PSD3: variants seen among roughly 807,000 people sequenced by gnomAD.
PSD3 encodes PH and SEC7 domain-containing protein 3.
PSD3 carries 49 observed loss-of-function variants against 105.5 expected under a neutral mutation model. The observed-to-expected ratio is 0.46, with a 90% CI of 0.37 to 0.59. The LOEUF (loss-of-function observed/expected upper bound fraction) is 0.59, where lower values mean the gene tolerates loss of function less well. PSD3 is among the 20% of genes least tolerant of loss of function. The pLI, the probability that PSD3 is intolerant of heterozygous loss-of-function variation, is 0.00. For missense variants in PSD3, 1,561 were observed against 1,263.8 expected, an observed-to-expected ratio of 1.24 and a Z score of -3.57; for synonymous variants, 557 against 457.8, an observed-to-expected ratio of 1.22 and a Z score of -2.77.
chr8:18,655,510 T>A, intron 10 of PSD3, 132 bp downstream of exon 10: 1 of 854,396 alleles, frequency 1.2e-6, no homozygotes. Flanking sequence ...ACAAAGTAGG[T>A]AAGACACTTG....
intron 1 of PSD3, among the ~76,000 whole-genome samples, chr8:19,082,814 T>G (rs1009212057): frequency 6.6e-6 from 1 of 152,194 alleles, no homozygotes; most frequent in East Asian, 1.9e-4. Flanking sequence ...TCATTCCTCC[T>G]AAATCCCGGT....
chr8:18,839,545 CGG>C (rs1563331819), intron 4 of PSD3, among the ~76,000 whole-genome samples: 1 of 152,036 alleles, frequency 6.6e-6, no homozygotes, highest in African/African-American at 2.4e-5. Context: ...ATGATGGTTC[CGG>C]GCAGTCACAG....
intron 11 of PSD3, among the ~76,000 whole-genome samples, chr8:18,627,235 G>C (rs1428253001): frequency 1.3e-5 from 2 of 152,026 alleles, no homozygotes; most frequent in Non-Finnish European, 2.9e-5. Flanking sequence ...GAGTCATGCT[G>C]AGTTGAGGAG....
chr8:18,733,626 C>T (rs1039598237), intron 9 of PSD3: 11 of 152,758 alleles, frequency 7.2e-5, no homozygotes, highest in African/African-American at 2.7e-4. Flanking sequence ...GGATCAGAGG[C>T]TTTTTACTTT....
chr8:19,014,624 ATG>A (rs1827116981), upstream of PSD3, among the ~76,000 whole-genome samples: 1 of 152,158 alleles, frequency 6.6e-6, no homozygotes, highest in South Asian at 2.1e-4. This position sits in a 1 kb window ranked among gnomAD's most constrained non-coding sequence, Gnocchi z 4.9. Context: ...GGTCCTGTGT[ATG>A]TGTTACCGCC....
intron 1 of PSD3, among the ~76,000 whole-genome samples, chr8:19,060,987 TCAGC>T (rs1469571548): frequency 2.6e-5 from 4 of 152,162 alleles, no homozygotes; most frequent in Non-Finnish European, 4.4e-5. Context: ...TTGACTTCTT[TCAGC>T]CAGCCACAAA....
intron 4 of PSD3, among the ~76,000 whole-genome samples, chr8:18,861,469 C>A (rs529000181): frequency 6.6e-6 from 1 of 152,098 alleles, no homozygotes; most frequent in Non-Finnish European, 1.5e-5. Flanking sequence ...GTCCCATATT[C>A]CCACCAGCAC....
At chr8:18,845,893 A>G (rs192359371) in intron 4 of PSD3, among the ~76,000 whole-genome samples, 1 of 152,344 alleles carries the variant, frequency 6.6e-6, no homozygotes, top group East Asian at 1.9e-4. Flanking sequence ...TCTAAATGAA[A>G]TCCTTTATAT....
intron 2 of PSD3, 101 bp from the exon 3 acceptor site, chr8:18,872,834 T>A: frequency 1.7e-6 from 2 of 1,150,710 alleles, no homozygotes; most frequent in East Asian, 2.4e-5. Context: ...ATAATACTTA[T>A]TAACTTGATT....
At chr8:18,968,471 T>C (rs1360755381) in intron 1 of PSD3, among the ~76,000 whole-genome samples, 1 of 152,220 alleles carries the variant, frequency 6.6e-6, no homozygotes, top group African/African-American at 2.4e-5. Context: ...GAAAGAACCT[T>C]CGACGCCAGT....
At chr8:18,923,509 G>C (rs1409854444) in intron 2 of PSD3, among the ~76,000 whole-genome samples, 3 of 152,158 alleles carry the variant, frequency 2.0e-5, no homozygotes, top group Admixed American at 2.0e-4. Flanking sequence ...TGATCCATAA[G>C]ATTATAATGC....
At chr8:19,013,794 C>A, upstream of PSD3, 1 of 201,088 alleles carries the variant, frequency 5.0e-6, no homozygotes, top group Non-Finnish European at 9.5e-6. Context: ...AACGTCAAAG[C>A]GAAGGCGGCG....
chr8:18,814,878 C>G (rs987703258), intron 4 of PSD3, among the ~76,000 whole-genome samples: 5 of 152,148 alleles, frequency 3.3e-5, no homozygotes, highest in African/African-American at 4.8e-5. Context: ...TGTATATGCA[C>G]TGGACATCAG....
intron 1 of PSD3, among the ~76,000 whole-genome samples, chr8:19,026,701 C>CAAAAAAAAAAAAAAAAAAAAAAAAAAA (rs10669321): frequency 1.2e-5 from 1 of 82,246 alleles, no homozygotes; most frequent in Non-Finnish European, 2.3e-5. Flanking sequence ...CACATCTCTA[C>CAAAAAAAAAAAAAAAAAAAAAAAAAAA]AAAAAAAAAA....
chr8:19,022,364 G>A (rs1485012943), intron 1 of PSD3, among the ~76,000 whole-genome samples: 36 of 152,190 alleles, frequency 2.4e-4, no homozygotes, highest in Admixed American at 2.4e-3. Context: ...TCTTCCTGCT[G>A]AGCCTTGCCC....
chr8:19,029,031 A>G (rs1586645479), intron 1 of PSD3, among the ~76,000 whole-genome samples: 2 of 152,332 alleles, frequency 1.3e-5, no homozygotes, highest in Admixed American at 1.3e-4. Flanking sequence ...CTATGTCTCT[A>G]TACTTACAAT....
intron 1 of PSD3, among the ~76,000 whole-genome samples, chr8:19,067,963 T>A (rs1393229203): frequency 2.0e-5 from 3 of 152,172 alleles, no homozygotes; most frequent in Admixed American, 1.3e-4. Flanking sequence ...AATCCCTCCA[T>A]CAGTCAGGCA....
intron 4 of PSD3, among the ~76,000 whole-genome samples, chr8:18,850,637 C>T (rs1251463287): frequency 2.6e-5 from 4 of 152,114 alleles, no homozygotes; most frequent in South Asian, 2.1e-4. Context: ...CCCAGTAAGA[C>T]GGTGAATACA....
At chr8:19,047,971 T>C (rs1221786586) in intron 1 of PSD3, among the ~76,000 whole-genome samples, 2 of 152,010 alleles carry the variant, frequency 1.3e-5, no homozygotes, top group African/African-American at 4.8e-5. Context: ...AGCATGAAAA[T>C]TCACCTTCTA....
Sources: gnomAD v4.1 joint callset for allele counts (sites outside exome capture counted in the v4.1 genomes callset) on GRCh38, gnomAD v4.1.1 for gene constraint, Gnocchi (gnomAD v3.1) non-coding constraint, MANE v1.5 for transcripts, NCBI Gene and HGNC (gene_info 2026-07-23, HGNC 2026-07-21) for gene names.